The following VAMP7 variants were observed in gnomAD, a reference collection of about 807,000 sequenced individuals.
The protein encoded by VAMP7 is vesicle associated membrane protein 7, also known as vesicle-associated membrane protein 7.
VAMP7 carries 14 observed loss-of-function variants against 29.6 expected under a neutral mutation model. The observed-to-expected ratio is 0.47, with a 90% confidence interval of 0.31 to 0.74. The LOEUF (loss-of-function observed/expected upper bound fraction) is 0.74. Ranked by LOEUF, VAMP7 falls within the 30% of genes least tolerant of loss-of-function variation. The pLI, the probability that VAMP7 is intolerant of heterozygous loss-of-function variation, is 0.05. For synonymous variants in VAMP7, 95 were observed against 88.1 expected (o/e 1.08, Z -0.44); for missense variants, 223 against 262.4 (o/e 0.85, Z 1.04).
intron 6 of VAMP7, among the ~76,000 whole-genome samples, chrX:155,930,111 A>G (rs1201976915): frequency 6.6e-6 from 1 of 152,132 alleles, no homozygotes; most frequent in Non-Finnish European, 1.5e-5. Flanking sequence ...GTGTGTGACA[A>G]AATGTGCAGA....
At chrX:155,920,831 G>A (rs2066384792) in intron 6 of VAMP7, among the ~76,000 whole-genome samples, 1 of 152,126 alleles carries the variant, frequency 6.6e-6, no homozygotes, top group African/African-American at 2.4e-5. Context: ...CATCATTATT[G>A]TTAATTTTAC....
Position 155,889,547 on chromosome X carries a change from G to T in VAMP7, c.81G>T (p.Glu27Asp), listed in dbSNP as rs1452475732. The change falls in exon 2 of 8, where the codon GAG becomes GAT. Residue 27 changes from glutamate (E) to aspartate (D), a missense_variant. Transcript: ENST00000286448. ...KHAWCGGNFL[E>D]VTEQILAKIP... Reference sequence around the variant, plus strand: ...CTTGGTGTGGAGGAAACTTCCTGGAGGTGACAGAGCAGATTCTGGCTAAGA... The same window carrying T: ...CTTGGTGTGGAGGAAACTTCCTGGATGTGACAGAGCAGATTCTGGCTAAGA... 4 of 1,613,782 alleles carry T rather than the reference G, an allele frequency of 2.5e-6. No individual in the cohort carries two copies. The highest frequency in any genetic ancestry group is 3.4e-6 in the Non-Finnish European group (4 of 1,179,870).
chrX:155,912,034 A>T (rs190779778), intron 5 of VAMP7, among the ~76,000 whole-genome samples: 37 of 152,026 alleles, frequency 2.4e-4, no homozygotes, highest in Non-Finnish European at 3.5e-4. Flanking sequence ...TTCCAGTACT[A>T]TGTTGAATAG....
At chrX:155,908,186 A>C (rs908768641) in intron 5 of VAMP7, among the ~76,000 whole-genome samples, 34 of 152,338 alleles carry the variant, frequency 2.2e-4, no homozygotes, top group Admixed American at 1.2e-3. Flanking sequence ...CAATCTCGGC[A>C]CTTTGGGAGG....
intron 5 of VAMP7, among the ~76,000 whole-genome samples, chrX:155,905,385 C>T (rs1456231092): frequency 6.6e-6 from 1 of 151,856 alleles, no homozygotes; most frequent in Non-Finnish European, 1.5e-5. Context: ...TTTTCATTTT[C>T]TTGATGGTGT....
intron 6 of VAMP7, among the ~76,000 whole-genome samples, chrX:155,925,935 T>C (rs2066460868): frequency 1.3e-5 from 2 of 152,174 alleles, no homozygotes; most frequent in Non-Finnish European, 2.9e-5. Context: ...ATCAGAGCTC[T>C]TGAGTGACTA....
intron 5 of VAMP7, among the ~76,000 whole-genome samples, chrX:155,906,289 G>A (rs900137055): frequency 1.3e-5 from 2 of 152,090 alleles, no homozygotes; most frequent in African/African-American, 2.4e-5. Context: ...CTTTTAGCAG[G>A]AATCCTGTTA....
rs1488961115 is a variant in VAMP7, at chrX:155,900,507, C to CT, written c.354dup (p.Glu119Ter). The CT allele has an allele frequency of 6.2e-7, 1 of 1,608,452 alleles. No homozygotes were observed. Among genetic ancestry groups the CT allele is most frequent in the African/African-American group, 1.3e-5 (1 of 74,718 alleles). On this transcript the variant is annotated frameshift_variant, in exon 5 of 8. Transcript: ENST00000286448. LOFTEE classifies it high-confidence loss of function. ...CTTATTTTCTTATAGAAGCATCACT[C>CT]TGAGAATAAGGGCCTAGACAAAGTG...
rs763373705 is a variant in VAMP7 at position 155,890,846 on chromosome X, T to G, written c.146+1234T>G. Among the ~76,000 whole-genome samples, 7 of 152,322 alleles carry G rather than the reference T, an allele frequency of 4.6e-5. No individual in the cohort carries two copies. The East Asian group carries it at 1.4e-3, about 29-fold the overall frequency. ...TCTCAGAATGAGGTCCTTATTACTT[T>G]CTATGGCTAACCCCTTATACAGTTT... is the stretch of plus-strand genomic sequence containing the variant. On this transcript the variant is annotated intron_variant, in intron 2 of 7. Coordinates refer to ENST00000286448, the MANE Select transcript of VAMP7 (RefSeq NM_005638.6).
rs761030129 is a variant in VAMP7, at chrX:155,930,884, C to T, written c.502-8817C>T. 2.0e-3 allele frequency among the ~76,000 whole-genome samples: 305 copies of T among 151,974 alleles called. 2 individuals carry two copies. Among genetic ancestry groups the T allele is most frequent in the African/African-American group, 6.9e-3 (285 of 41,474 alleles). Reference sequence around the variant, plus strand: ...CCTCCCACCACCCCACAACAGGCCCCGGTGTGTGATGTTCCCCTTCCTGTG... The same window carrying T: ...CCTCCCACCACCCCACAACAGGCCCTGGTGTGTGATGTTCCCCTTCCTGTG... On this transcript the variant is annotated intron_variant, in intron 6 of 7. Transcript: ENST00000286448.
At chrX:155,924,032 A>G (rs6655074) in intron 6 of VAMP7, among the ~76,000 whole-genome samples, 186 of 152,284 alleles carry the variant, frequency 1.2e-3, no homozygotes, top group African/African-American at 4.4e-3. Context: ...TGAAGTGCTT[A>G]TTCCACTTAC....
intron 6 of VAMP7, among the ~76,000 whole-genome samples, chrX:155,933,573 C>A (rs866300183): frequency 1.3e-5 from 2 of 150,294 alleles, no homozygotes; most frequent in Non-Finnish European, 3.0e-5. Context: ...TTTTTTATTG[C>A]GTCTATTTGA....
chrX:155,937,554 A>G (rs1279960721), intron 6 of VAMP7, among the ~76,000 whole-genome samples: 1 of 152,186 alleles, frequency 6.6e-6, no homozygotes, highest in African/African-American at 2.4e-5. Flanking sequence ...TTATTTGCCA[A>G]TTATACTTCA....
At chrX:155,881,599 G>C (rs1161784910) in intron 1 of VAMP7, among the ~76,000 whole-genome samples, 151 bp downstream of exon 1, 2 of 152,124 alleles carry the variant, frequency 1.3e-5, no homozygotes, top group African/African-American at 4.8e-5. Flanking sequence ...TTGTCGGGCA[G>C]GACCAGTTTT....
intron 5 of VAMP7, among the ~76,000 whole-genome samples, chrX:155,906,679 G>C (rs1351019922): frequency 1.3e-5 from 2 of 152,020 alleles, no homozygotes; most frequent in Non-Finnish European, 1.5e-5. Flanking sequence ...ATACAACCTT[G>C]TTCTCCTTTA....
intron 5 of VAMP7, among the ~76,000 whole-genome samples, chrX:155,903,146 T>C (rs1602944523): frequency 6.6e-6 from 1 of 152,278 alleles, no homozygotes; most frequent in Middle Eastern, 3.4e-3. Flanking sequence ...GATTTTCTAG[T>C]TTATTTGCGT....
At chrX:155,931,147 T>A (rs1163537718) in intron 6 of VAMP7, among the ~76,000 whole-genome samples, 2 of 152,206 alleles carry the variant, frequency 1.3e-5, no homozygotes, top group Non-Finnish European at 2.9e-5. Context: ...TCTTTGCTAT[T>A]GTGAATAGTG....
At chrX:155,887,335 G>A (rs1452012907) in intron 1 of VAMP7, among the ~76,000 whole-genome samples, 1 of 152,022 alleles carries the variant, frequency 6.6e-6, no homozygotes, top group Non-Finnish European at 1.5e-5. Context: ...AATCAGTCCC[G>A]GAGGAAAGTC....
intron 6 of VAMP7, among the ~76,000 whole-genome samples, chrX:155,927,417 A>G (rs1332249182): frequency 6.6e-6 from 1 of 150,832 alleles, no homozygotes; most frequent in Non-Finnish European, 1.5e-5. Flanking sequence ...GGAAAAAAAA[A>G]AAACAAACCA....
Sources: gnomAD v4.1 joint callset for allele counts (sites outside exome capture counted in the v4.1 genomes callset) on GRCh38, gnomAD v4.1.1 for gene constraint, MANE v1.5 for transcripts, NCBI Gene and HGNC (gene_info 2026-07-23, HGNC 2026-07-21) for gene names.